Variants in PPP2R2B observed in about 807,000 individuals in gnomAD.
The protein encoded by PPP2R2B is protein phosphatase 2 regulatory subunit Bbeta.
In PPP2R2B, 5 loss-of-function variants were observed where a neutral mutation model predicts 46.0. The observed-to-expected ratio is 0.11, with a 90% CI of 0.06 to 0.23. The LOEUF (loss-of-function observed/expected upper bound fraction) is 0.23. Among genes scored for constraint, PPP2R2B ranks in the 10% least tolerant of loss-of-function variants. PPP2R2B has a pLI of 1.00. For synonymous variants in PPP2R2B, 215 were observed against 206.7 expected (o/e 1.04, Z -0.34); for missense variants, 367 against 575.0 (o/e 0.64, Z 3.70).
At chr5:146,677,557 G>T (rs1777821919) in intron 5 of PPP2R2B, among the ~76,000 whole-genome samples, 2 of 110,586 alleles carry the variant, frequency 1.8e-5, no homozygotes, top group South Asian at 3.7e-4. Flanking sequence ...CCCTCTGTCT[G>T]AGACAGGGTC....
intron 2 of PPP2R2B, among the ~76,000 whole-genome samples, chr5:146,864,954 G>A (rs1206904536): frequency 1.3e-5 from 2 of 152,124 alleles, no homozygotes; most frequent in African/African-American, 4.8e-5. Context: ...ATTTTAGAAG[G>A]TAATTTAGTC....
intron 7 of PPP2R2B, among the ~76,000 whole-genome samples, chr5:146,616,619 C>T (rs1044839131): frequency 6.6e-6 from 1 of 152,018 alleles, no homozygotes; most frequent in East Asian, 1.9e-4. Flanking sequence ...GATAGGCATA[C>T]AAAAAAGAGC....
At chr5:146,953,284 C>T (rs987439017) in intron 1 of PPP2R2B, among the ~76,000 whole-genome samples, 6 of 152,168 alleles carry the variant, frequency 3.9e-5, no homozygotes, top group African/African-American at 1.4e-4. Flanking sequence ...CATATACTTA[C>T]ACAGACATAT....
intron 7 of PPP2R2B, among the ~76,000 whole-genome samples, chr5:146,625,355 GCAAA>G (rs1289536013): frequency 6.6e-6 from 1 of 152,156 alleles, no homozygotes; most frequent in African/African-American, 2.4e-5. Flanking sequence ...CTAGAAATGA[GCAAA>G]CAGTGGGTCA....
chr5:147,040,875 A>G (rs977981039), intron 1 of PPP2R2B: 3 of 418,896 alleles, frequency 7.2e-6, no homozygotes, highest in African/African-American at 6.3e-5. Flanking sequence ...ATTTAAAAAT[A>G]CCTTGAGGCT....
Position 146,807,776 on chromosome 5 carries a change from C to CTTTTTTTTTTTTTT in PPP2R2B, c.70+70212_70+70225dup, listed in dbSNP as rs10583721. On this transcript the variant is annotated intron_variant, in intron 2 of 9. Coordinates refer to ENST00000394411, the MANE Select transcript of PPP2R2B (RefSeq NM_181675.4). ...TTGGTTAAACCTCCTGGGGTGCCTT[C>CTTTTTTTTTTTTTT]TTTTTTTTTTTTTTTTTTTTTTTTT... Among the ~76,000 whole-genome samples the CTTTTTTTTTTTTTT allele has an allele frequency of 2.2e-3, 80 of 36,928 alleles. 21 individuals carry two copies. The highest frequency in any genetic ancestry group is 3.3e-3 in the South Asian group (2 of 610). The allele number at this position is 36,928 out of a possible 152,430, so 24.2% of individuals were successfully genotyped here. A position where few individuals can be genotyped will look rare whatever the true frequency, so the allele number is the denominator to read the frequency against.
intron 2 of PPP2R2B, among the ~76,000 whole-genome samples, chr5:146,717,833 G>T (rs1470434554): frequency 2.0e-5 from 3 of 152,086 alleles, no homozygotes; most frequent in Non-Finnish European, 1.5e-5. Flanking sequence ...AACATGCTTT[G>T]CCTAAACTAG....
intron 2 of PPP2R2B, among the ~76,000 whole-genome samples, chr5:146,794,639 T>C (rs761930371): frequency 2.0e-5 from 3 of 152,086 alleles, no homozygotes; most frequent in Non-Finnish European, 4.4e-5. Flanking sequence ...CAGAAAAACA[T>C]GGAAAAAAGA....
intron 2 of PPP2R2B, among the ~76,000 whole-genome samples, chr5:146,830,654 G>A (rs1758871513): frequency 6.6e-6 from 1 of 151,624 alleles, no homozygotes; most frequent in East Asian, 1.9e-4. Context: ...TGTATTTTTA[G>A]TACAGATGGG....
intron 1 of PPP2R2B, among the ~76,000 whole-genome samples, chr5:147,037,044 G>A (rs1234705856): frequency 6.6e-6 from 1 of 152,160 alleles, no homozygotes; most frequent in Non-Finnish European, 1.5e-5. Flanking sequence ...TGCCAGAGAG[G>A]TGAAGTAACT....
At chr5:146,815,008 A>G (rs1315973538) in intron 2 of PPP2R2B, among the ~76,000 whole-genome samples, 1 of 152,182 alleles carries the variant, frequency 6.6e-6, no homozygotes, top group Non-Finnish European at 1.5e-5. Flanking sequence ...CTCTGGTAAC[A>G]TACTTTGGTG....
At chr5:146,777,355 T>C (rs755539651) in intron 2 of PPP2R2B, among the ~76,000 whole-genome samples, 62 of 152,126 alleles carry the variant, frequency 4.1e-4, no homozygotes, top group African/African-American at 5.1e-4. Context: ...TCTAAGTGAA[T>C]GAAGTTACAC....
intron 1 of PPP2R2B, among the ~76,000 whole-genome samples, chr5:146,892,205 T>C (rs2151429068): frequency 6.6e-6 from 1 of 152,328 alleles, no homozygotes; most frequent in African/African-American, 2.4e-5. Context: ...GTCCCAGACT[T>C]AGAAGAGCAA....
At chr5:146,986,867 A>C (rs537697326) in intron 1 of PPP2R2B, among the ~76,000 whole-genome samples, 1 of 152,184 alleles carries the variant, frequency 6.6e-6, no homozygotes, top group Non-Finnish European at 1.5e-5. Context: ...TAATAACAAA[A>C]AACTTTTCAA....
chr5:146,651,398 C>T (rs1775948336), intron 5 of PPP2R2B, among the ~76,000 whole-genome samples: 1 of 152,120 alleles, frequency 6.6e-6, no homozygotes, highest in African/African-American at 2.4e-5. Flanking sequence ...ATATGGTCAC[C>T]TTACTGATAC....
At chr5:146,618,672 C>T (rs934240152) in intron 7 of PPP2R2B, among the ~76,000 whole-genome samples, 5 of 152,278 alleles carry the variant, frequency 3.3e-5, no homozygotes, top group African/African-American at 4.8e-5. Flanking sequence ...CAGGCCAGAG[C>T]GGGCTGCTTC....
chr5:146,672,110 T>A (rs551526762), intron 5 of PPP2R2B, among the ~76,000 whole-genome samples: 1 of 152,156 alleles, frequency 6.6e-6, no homozygotes, highest in Admixed American at 6.5e-5. Context: ...CAAGTAAGAA[T>A]GTGCCAAAAA....
chr5:146,616,529 GA>G, intron 7 of PPP2R2B, among the ~76,000 whole-genome samples: 1 of 151,942 alleles, frequency 6.6e-6, no homozygotes, highest in Non-Finnish European at 1.5e-5. Context: ...AATTCTATAG[GA>G]AAAAAATATC....
At chr5:146,983,975 CTAAA>C (rs1753307225) in intron 1 of PPP2R2B, among the ~76,000 whole-genome samples, 1 of 151,778 alleles carries the variant, frequency 6.6e-6, no homozygotes, top group Non-Finnish European at 1.5e-5. Context: ...TAATTTATAA[CTAAA>C]TGTATTTATG....
Sources: gnomAD v4.1 joint callset for allele counts (sites outside exome capture counted in the v4.1 genomes callset) on GRCh38, gnomAD v4.1.1 for gene constraint, MANE v1.5 for transcripts, NCBI Gene and HGNC (gene_info 2026-07-23, HGNC 2026-07-21) for gene names.